FAIM2: variants seen among roughly 807,000 people sequenced by gnomAD.
The protein encoded by FAIM2 is Fas apoptotic inhibitory molecule 2.
FAIM2 carries 27 observed loss-of-function variants against 47.4 expected under a neutral mutation model. The observed-to-expected ratio is 0.57, with a 90% CI of 0.42 to 0.78. The LOEUF (loss-of-function observed/expected upper bound fraction) is 0.78. FAIM2 is among the 30% of genes least tolerant of loss of function. The probability of loss-of-function intolerance (pLI) is 0.00; values close to 1 mark genes in which losing one functional copy is unlikely to be tolerated. For synonymous variants in FAIM2, 156 were observed against 159.3 expected, an observed-to-expected ratio of 0.98 and a Z score of 0.16; for missense variants, 311 against 389.4, an observed-to-expected ratio of 0.80 and a Z score of 1.69.
chr12:49,896,879 A>C, intron 5 of FAIM2, 152 bp downstream of exon 5: 2 of 701,180 alleles, frequency 2.9e-6, no homozygotes, highest in South Asian at 3.2e-5. Context: ...AAGCCGACAG[A>C]ATGGGGCAGG....
intron 4 of FAIM2, 23 bp from the exon 5 acceptor site, chr12:49,897,107 G>C: frequency 1.9e-6 from 3 of 1,595,142 alleles, no homozygotes; most frequent in Non-Finnish European, 2.6e-6. Flanking sequence ...GAGAGTGGGA[G>C]AGAGAGTCAG....
intron 11 of FAIM2, among the ~76,000 whole-genome samples, chr12:49,883,814 G>A (rs536070991): frequency 6.6e-6 from 1 of 152,080 alleles, no homozygotes; most frequent in East Asian, 1.9e-4. Flanking sequence ...GAGAGGGAAG[G>A]AACCGTTGTA....
At chr12:49,875,193 C>G (rs1006660777) in intron 11 of FAIM2, among the ~76,000 whole-genome samples, 3 of 152,128 alleles carry the variant, frequency 2.0e-5, no homozygotes, top group Non-Finnish European at 4.4e-5. Context: ...TAAAATAGCA[C>G]AAAAGAAGAG....
intron 8 of FAIM2, among the ~76,000 whole-genome samples, chr12:49,889,857 C>T (rs1946887040): frequency 6.6e-6 from 1 of 152,110 alleles, no homozygotes; most frequent in African/African-American, 2.4e-5. Context: ...AACTGCAGGT[C>T]ATGAGTCTTG....
intron 11 of FAIM2, among the ~76,000 whole-genome samples, chr12:49,884,880 A>G (rs1667657931): frequency 6.6e-6 from 1 of 152,220 alleles, no homozygotes. Flanking sequence ...AGACTGAGGC[A>G]GGAGAATGGC....
At chr12:49,901,623 C>T in intron 1 of FAIM2, 1 of 292,732 alleles carries the variant, frequency 3.4e-6, no homozygotes, top group Middle Eastern at 9.5e-4. Flanking sequence ...GGGGCAGGGT[C>T]TCTATGGTTC....
intron 11 of FAIM2, among the ~76,000 whole-genome samples, chr12:49,880,660 A>C (rs111168146): frequency 6.2e-4 from 93 of 149,106 alleles, no homozygotes; most frequent in African/African-American, 2.2e-3. Flanking sequence ...CTGTGAGTGC[A>C]TGTGTGTGCG....
chr12:49,889,263 C>T (rs1946882922), intron 9 of FAIM2, 61 bp from the exon 10 acceptor site: 1 of 1,290,784 alleles, frequency 7.7e-7, no homozygotes, highest in East Asian at 2.4e-5. Flanking sequence ...GCCCCAACTA[C>T]AGGCTGAGCC....
At chr12:49,886,424 G>A (rs757258370) in intron 11 of FAIM2, among the ~76,000 whole-genome samples, 1 of 152,122 alleles carries the variant, frequency 6.6e-6, no homozygotes, top group South Asian at 2.1e-4. Flanking sequence ...GTGTGACCTT[G>A]GGCATGTTAT....
intron 11 of FAIM2, among the ~76,000 whole-genome samples, chr12:49,878,216 G>A (rs1352478961): frequency 7.4e-6 from 1 of 135,356 alleles, no homozygotes; most frequent in African/African-American, 2.8e-5. Flanking sequence ...ATGTGCTTGT[G>A]TGTATATGTG....
intron 5 of FAIM2, 150 bp from the exon 6 acceptor site, chr12:49,891,264 A>G: frequency 1.5e-6 from 1 of 688,688 alleles, no homozygotes; most frequent in East Asian, 2.7e-5. Context: ...AGAACCTGGC[A>G]GTGGGCAGGG....
At chr12:49,895,363 T>C (rs903484618) in intron 5 of FAIM2, among the ~76,000 whole-genome samples, 1 of 151,308 alleles carries the variant, frequency 6.6e-6, no homozygotes, top group East Asian at 1.9e-4. Context: ...TGCCTCCACC[T>C]CCCGGGCCTA....
chr12:49,890,294 T>C, intron 7 of FAIM2, 140 bp from the exon 8 acceptor site: 1 of 752,612 alleles, frequency 1.3e-6, no homozygotes, highest in Non-Finnish European at 2.3e-6. Context: ...ACACTGACTT[T>C]CGGGAGTCAG....
chr12:49,900,671 C>T (rs544891470), intron 2 of FAIM2, among the ~76,000 whole-genome samples: 3 of 152,240 alleles, frequency 2.0e-5, no homozygotes, highest in East Asian at 1.9e-4. Flanking sequence ...CTGGGGCCTC[C>T]GTGGAGACCT....
chr12:49,895,151 T>C (rs1946927255), intron 5 of FAIM2, among the ~76,000 whole-genome samples: 1 of 152,060 alleles, frequency 6.6e-6, no homozygotes, highest in Non-Finnish European at 1.5e-5. Context: ...CCTTTCACAC[T>C]TTGGAACACC....
At chr12:49,877,837 T>TCC (rs1592784647) in intron 11 of FAIM2, among the ~76,000 whole-genome samples, 1 of 152,046 alleles carries the variant, frequency 6.6e-6, no homozygotes, top group East Asian at 1.9e-4. Flanking sequence ...TATGTGCGTA[T>TCC]ATGTGTGTAG....
chr12:49,894,699 G>A (rs1946923552), intron 5 of FAIM2, among the ~76,000 whole-genome samples: 1 of 152,172 alleles, frequency 6.6e-6, no homozygotes, highest in South Asian at 2.1e-4. Context: ...AGACAAAGGA[G>A]GAAGCAGAGC....
intron 11 of FAIM2, among the ~76,000 whole-genome samples, chr12:49,885,611 G>T (rs182675337): frequency 6.6e-6 from 1 of 152,218 alleles, no homozygotes; most frequent in African/African-American, 2.4e-5. Context: ...GGGGCTTTCA[G>T]TGCTGAAACT....
At chr12:49,897,716 A>AC (rs1946948330) in intron 3 of FAIM2, 133 bp from the exon 4 acceptor site, 1 of 694,272 alleles carries the variant, frequency 1.4e-6, no homozygotes, top group Non-Finnish European at 2.5e-6. Flanking sequence ...ATTGGAGTGA[A>AC]CCCAGGGCAA....
Sources: gnomAD v4.1 joint callset for allele counts (sites outside exome capture counted in the v4.1 genomes callset) on GRCh38, gnomAD v4.1.1 for gene constraint, MANE v1.5 for transcripts, NCBI Gene and HGNC (gene_info 2026-07-23, HGNC 2026-07-21) for gene names.